Variants in CDH18 observed in about 807,000 individuals in gnomAD.
CDH18 encodes the protein cadherin-18.
Under a neutral mutation model 67.9 loss-of-function variants are expected in CDH18, and 31 were observed. That is an observed-to-expected ratio of 0.46 (90% CI 0.34 to 0.62). The LOEUF is 0.62. Among genes scored for constraint, CDH18 ranks in the 20% least tolerant of loss-of-function variants. The pLI is 0.01. For synonymous variants in CDH18, 362 were observed against 347.2 expected, an observed-to-expected ratio of 1.04 and a Z score of -0.48; for missense variants, 890 against 975.5, an observed-to-expected ratio of 0.91 and a Z score of 1.17.
rs138090042 is a variant in CDH18, at chr5:19,616,319, C to A, written c.644-3718G>T. The stretch of plus-strand genomic sequence containing the variant: ...AGATACATACATTGATTCCCCCCCA[C>A]CCAAATTTTATGCACGAAGCTACAT... On this transcript the variant is annotated intron_variant, in intron 5 of 12. Coordinates refer to ENST00000382275, the MANE Select transcript of CDH18 (RefSeq NM_004934.5). 4.0e-5 allele frequency among the ~76,000 whole-genome samples: 6 copies of A among 151,896 alleles called. No individual in the cohort carries two copies. In the East Asian group the frequency reaches 1.2e-3, roughly 29 times the overall value.
chr5:20,243,609 G>A (rs926011652), intron 2 of CDH18, among the ~76,000 whole-genome samples: 1 of 151,874 alleles, frequency 6.6e-6, no homozygotes, highest in Non-Finnish European at 1.5e-5. Context: ...TCTCCAAAAT[G>A]TATGTTTACA....
intron 1 of CDH18, among the ~76,000 whole-genome samples, chr5:20,453,892 A>G (rs1308234122): frequency 6.6e-6 from 1 of 152,132 alleles, no homozygotes; most frequent in Non-Finnish European, 1.5e-5. Context: ...AAATGCTTAG[A>G]AAAAAGCCCT....
intron 2 of CDH18, among the ~76,000 whole-genome samples, chr5:19,978,767 G>T (rs1044957183): frequency 6.6e-6 from 1 of 152,062 alleles, no homozygotes; most frequent in Non-Finnish European, 1.5e-5. Flanking sequence ...TGATCACTGT[G>T]TCCTCCTCTC....
Position 19,956,437 on chromosome 5 carries a change from G to C in CDH18, c.-257+24623C>G, listed in dbSNP as rs551491769. Among the ~76,000 whole-genome samples, 8 of 151,936 alleles carry C rather than the reference G, an allele frequency of 5.3e-5. No homozygotes were observed. In the East Asian group the frequency reaches 1.5e-3, roughly 29 times the overall value. Reference sequence around the variant, plus strand: ...AGGTCAACATCATTCCTAATCATCAGCAGTTAGTGTTAAATATATTGATTA... The same window carrying C: ...AGGTCAACATCATTCCTAATCATCACCAGTTAGTGTTAAATATATTGATTA... On this transcript the variant is annotated intron_variant, in intron 2 of 12. Transcript: ENST00000382275.
At chr5:19,528,184 A>T (rs906016700) in intron 9 of CDH18, among the ~76,000 whole-genome samples, 28 of 151,880 alleles carry the variant, frequency 1.8e-4, no homozygotes, top group African/African-American at 6.7e-4. Context: ...GTAATAATTC[A>T]GTTTTAACAT....
intron 9 of CDH18, among the ~76,000 whole-genome samples, chr5:19,533,010 G>C (rs1689680): frequency 0.13 from 20,420 of 152,120 alleles, 1,561 homozygotes; most frequent in African/African-American, 0.15. Context: ...GGCCAATATG[G>C]AATTCAGGGG....
chr5:20,138,522 A>C (rs1471752678), intron 2 of CDH18, among the ~76,000 whole-genome samples: 2 of 152,170 alleles, frequency 1.3e-5, no homozygotes, highest in Non-Finnish European at 2.9e-5. Flanking sequence ...AGGAAGTCAA[A>C]TCTTCCCTGT....
chr5:19,751,775 T>C (rs1770878223), intron 3 of CDH18, among the ~76,000 whole-genome samples: 1 of 152,180 alleles, frequency 6.6e-6, no homozygotes, highest in African/African-American at 2.4e-5. Context: ...AAAGGTTATG[T>C]TAAAGAGTTA....
At chr5:19,566,165 AC>A (rs930085996) in intron 8 of CDH18, among the ~76,000 whole-genome samples, 14 of 152,216 alleles carry the variant, frequency 9.2e-5, no homozygotes, top group African/African-American at 3.4e-4. Context: ...TATCAAAACT[AC>A]AATGAGAAAT....
chr5:19,645,074 G>T (rs72739158), intron 5 of CDH18, among the ~76,000 whole-genome samples: 8,249 of 152,244 alleles, frequency 0.054, 272 homozygotes, highest in Non-Finnish European at 0.074. Flanking sequence ...GATGAAATGA[G>T]ATGATACATC....
At chr5:19,824,578 G>A (rs1780216431) in intron 3 of CDH18, among the ~76,000 whole-genome samples, 1 of 152,120 alleles carries the variant, frequency 6.6e-6, no homozygotes, top group Non-Finnish European at 1.5e-5. Flanking sequence ...ACTTTTACAA[G>A]CCTTGGGTCC....
At chr5:20,558,969 G>A (rs934889614) in intron 1 of CDH18, among the ~76,000 whole-genome samples, 2 of 151,104 alleles carry the variant, frequency 1.3e-5, no homozygotes, top group African/African-American at 4.9e-5. Context: ...AACCTCCATT[G>A]TCATCTGCAG....
At chr5:20,472,458 G>A (rs1260437545) in intron 1 of CDH18, among the ~76,000 whole-genome samples, 6 of 152,290 alleles carry the variant, frequency 3.9e-5, no homozygotes, top group African/African-American at 1.4e-4. Context: ...GATGTACATA[G>A]TGGAGGAAGT....
chr5:19,675,322 T>C (rs1194792686), intron 5 of CDH18, among the ~76,000 whole-genome samples: 3 of 152,022 alleles, frequency 2.0e-5, no homozygotes, highest in African/African-American at 4.8e-5. Flanking sequence ...ACAACCGGTA[T>C]GACCAAAATT....
intron 2 of CDH18, among the ~76,000 whole-genome samples, chr5:19,964,647 C>CAAAAAAAAAAAAAAAAAAA (rs10719096): frequency 1.3e-5 from 1 of 77,244 alleles, no homozygotes; most frequent in Admixed American, 1.6e-4. Context: ...GGCCCTGTAT[C>CAAAAAAAAAAAAAAAAAAA]AAAAAAAAAA....
chr5:20,278,997 G>C (rs1198532099), intron 1 of CDH18, among the ~76,000 whole-genome samples: 1 of 151,970 alleles, frequency 6.6e-6, no homozygotes, highest in African/African-American at 2.4e-5. Context: ...AAAAAAAGAA[G>C]ACCACAAAAC....
chr5:20,065,562 G>A (rs1271735714), intron 2 of CDH18, among the ~76,000 whole-genome samples: 2 of 151,904 alleles, frequency 1.3e-5, no homozygotes, highest in Admixed American at 6.6e-5. Context: ...TTGAAAATGC[G>A]TTTAATACAC....
chr5:20,366,092 G>A (rs907188632), intron 1 of CDH18, among the ~76,000 whole-genome samples: 5 of 152,084 alleles, frequency 3.3e-5, no homozygotes, highest in African/African-American at 1.2e-4. Flanking sequence ...ATCATCAGAG[G>A]TGATGTAAAT....
In CDH18 at chr5:20,182,655, A is replaced by T. The variant is rs145145450; in HGVS notation, c.-518+72789T>A. ...CATTTTGAGAAGGGATTAAGTTATG[A>T]GGGGGTCCAACCTCATTAATCCATT... is the stretch of plus-strand genomic sequence containing the variant. On this transcript the variant is annotated intron_variant, in intron 2 of 14. Coordinates refer to the CDH18 transcript ENST00000507958. Among the ~76,000 whole-genome samples the T allele has an allele frequency of 5.7e-4, 83 of 145,926 alleles. No homozygotes were observed. The South Asian group carries it at 0.017, about 30-fold the overall frequency.
Sources: allele counts gnomAD v4.1 joint callset (sites outside exome capture counted in the v4.1 genomes callset), GRCh38; gene constraint gnomAD v4.1.1; transcripts MANE v1.5; gene names NCBI Gene and HGNC (gene_info 2026-07-23, HGNC 2026-07-21).